Variants in MYO5B observed in about 807,000 individuals in gnomAD.
MYO5B encodes the protein myosin VB.
A neutral mutation model predicts 229.3 loss-of-function variants in MYO5B; 143 were observed. The observed-to-expected ratio is 0.62, with a 90% CI of 0.54 to 0.72. The LOEUF (loss-of-function observed/expected upper bound fraction) is 0.72, where lower values mean the gene tolerates loss of function less well. MYO5B is among the 30% of genes least tolerant of loss of function. The pLI is 0.00. For synonymous variants in MYO5B, 918 were observed against 885.2 expected (o/e 1.04, Z -0.66); for missense variants, 2,321 against 2,331.0 (o/e 1.00, Z 0.09).
intron 22 of MYO5B, among the ~76,000 whole-genome samples, chr18:49,888,403 G>C (rs911907961): frequency 6.6e-6 from 1 of 152,152 alleles, no homozygotes; most frequent in East Asian, 1.9e-4. Context: ...GTCCATGAAG[G>C]CTTCACAAGA....
At chr18:49,974,784 CACACACACACACAG>C (rs1568054728) in intron 9 of MYO5B, among the ~76,000 whole-genome samples, 169 bp from the exon 10 acceptor site, 2 of 88,224 alleles carry the variant, frequency 2.3e-5, no homozygotes, top group East Asian at 4.0e-4. Flanking sequence ...CTCTCTCACA[CACACACACACACAG>C]ACACACACAC....
At chr18:49,889,680 C>T (rs895164699) in intron 22 of MYO5B, among the ~76,000 whole-genome samples, 53 of 152,218 alleles carry the variant, frequency 3.5e-4, no homozygotes, top group Non-Finnish European at 6.8e-4. Context: ...TTTGAGCATC[C>T]TACACACAGT....
rs567232544 is a variant in MYO5B at position 50,174,203 on chromosome 18, C to T, written c.27+20564G>A. On this transcript the variant is annotated intron_variant, in intron 1 of 39. Transcript: ENST00000285039. The stretch of plus-strand genomic sequence containing the variant: ...TCTGTATTAGTGTTCTGCAGACAAA[C>T]AGAATAGGATAAAGATACATAAAAG... 9.2e-5 allele frequency among the ~76,000 whole-genome samples: 14 copies of T among 152,264 alleles called. 1 individual carries two copies. The highest frequency in any genetic ancestry group is 9.2e-4 in the Admixed American group (14 of 15,280).
At chr18:50,135,623 T>C (rs1483578988) in intron 1 of MYO5B, among the ~76,000 whole-genome samples, 2 of 152,172 alleles carry the variant, frequency 1.3e-5, no homozygotes, top group African/African-American at 4.8e-5. Context: ...GAAGATAATA[T>C]GTATTTAAAT....
At chr18:50,138,776 T>C (rs974072711) in intron 1 of MYO5B, among the ~76,000 whole-genome samples, 3 of 152,212 alleles carry the variant, frequency 2.0e-5, no homozygotes, top group African/African-American at 4.8e-5. Flanking sequence ...GAAGAAATAG[T>C]ACCCCATTTC....
intron 4 of MYO5B, among the ~76,000 whole-genome samples, chr18:50,013,398 A>G (rs2144346456): frequency 1.3e-5 from 2 of 152,290 alleles, no homozygotes; most frequent in Admixed American, 1.3e-4. Context: ...AACTGCACCT[A>G]CACCCTGAGA....
At chr18:50,145,384 G>C (rs1306034895) in intron 1 of MYO5B, among the ~76,000 whole-genome samples, 3 of 151,544 alleles carry the variant, frequency 2.0e-5, no homozygotes, top group African/African-American at 7.3e-5. Flanking sequence ...CTACTCGGGA[G>C]GCTGAGGCAG....
chr18:49,841,057 G>A (rs960213990), intron 35 of MYO5B, among the ~76,000 whole-genome samples: 3 of 152,206 alleles, frequency 2.0e-5, no homozygotes, highest in South Asian at 2.1e-4. Flanking sequence ...ATACAGAAAT[G>A]TCAGGTTACA....
chr18:49,875,439 C>T lies in MYO5B; in HGVS notation c.3537+248G>A, dbSNP rs559960563. ...CCCTCTTTGCAAGTAGGTGATGATG[C>T]CACAGACTTCCCCCTAGCTTCACCA... On this transcript the variant is annotated intron_variant, in intron 26 of 39. Transcript: ENST00000285039. Among the ~76,000 whole-genome samples the T allele has an allele frequency of 1.3e-4, 20 of 152,284 alleles. No homozygotes were observed. In the South Asian group the frequency reaches 3.9e-3, roughly 30 times the overall value.
intron 7 of MYO5B, among the ~76,000 whole-genome samples, chr18:49,986,684 A>G (rs534401434): frequency 1.4e-4 from 22 of 152,318 alleles, no homozygotes; most frequent in African/African-American, 4.6e-4. Context: ...AGAGCAATAC[A>G]ACAGTTTCAA....
intron 19 of MYO5B, 64 bp from the exon 20 acceptor site, chr18:49,904,892 C>T (rs2144147934): frequency 6.3e-7 from 1 of 1,581,402 alleles, no homozygotes; most frequent in East Asian, 2.3e-5. Flanking sequence ...ATGCAGAGAA[C>T]CCTGAGACAT....
At chr18:50,071,070 C>G (rs1005720337) in intron 1 of MYO5B, among the ~76,000 whole-genome samples, 1 of 152,190 alleles carries the variant, frequency 6.6e-6, no homozygotes, top group South Asian at 2.1e-4. Flanking sequence ...GCCATCCTCC[C>G]GCCTTGGCCT....
intron 5 of MYO5B, among the ~76,000 whole-genome samples, chr18:50,000,502 G>A (rs553709210): frequency 6.6e-6 from 1 of 152,286 alleles, no homozygotes; most frequent in South Asian, 2.1e-4. Flanking sequence ...GGACTACGAG[G>A]CCATTTCATT....
intron 13 of MYO5B, among the ~76,000 whole-genome samples, chr18:49,953,959 G>A (rs1426035494): frequency 2.0e-5 from 2 of 100,148 alleles, no homozygotes; most frequent in East Asian, 2.6e-4. Context: ...AGACATGTGT[G>A]TGTGTGTATG....
intron 1 of MYO5B, among the ~76,000 whole-genome samples, chr18:50,082,995 C>G (rs114976984): frequency 0.01 from 1,543 of 152,314 alleles, 21 homozygotes; most frequent in African/African-American, 0.035. Context: ...ATACCCACTG[C>G]CAGTGCCAAG....
chr18:50,003,198 C>A (rs2026066808), intron 4 of MYO5B, among the ~76,000 whole-genome samples: 1 of 152,132 alleles, frequency 6.6e-6, no homozygotes, highest in Admixed American at 6.5e-5. Context: ...AAACGGTTAG[C>A]AATGGGGATG....
At position 49,879,832 on chromosome 18, in the gene MYO5B, G is replaced by A. The variant is rs191337137; in HGVS notation, c.3130+539C>T. On this transcript the variant is annotated intron_variant, in intron 23 of 39. Transcript: ENST00000285039. ...TGGGCACTTGAGAGAGGCTGACCTG[G>A]GATCTGATTCAAGACTGTTTCTTCA... Among the ~76,000 whole-genome samples, 594 of 152,302 alleles carry A rather than the reference G, an allele frequency of 3.9e-3. 4 individuals are homozygous for A. Among genetic ancestry groups the A allele is most frequent in the Non-Finnish European group, 3.6e-3 (248 of 68,024 alleles).
chr18:50,030,615 G>A (rs2026376867), intron 4 of MYO5B, among the ~76,000 whole-genome samples: 1 of 151,914 alleles, frequency 6.6e-6, no homozygotes, highest in Non-Finnish European at 1.5e-5. Flanking sequence ...CCGAGCACAG[G>A]CTCTCACCCT....
intron 31 of MYO5B, among the ~76,000 whole-genome samples, chr18:49,853,060 G>A (rs608713): frequency 0.53 from 81,165 of 151,954 alleles, 21,794 homozygotes; most frequent in Middle Eastern, 0.63. Flanking sequence ...TCTCTCTCTC[G>A]CCATATCTGG....
Sources: gnomAD v4.1 joint callset for allele counts (sites outside exome capture counted in the v4.1 genomes callset) on GRCh38, gnomAD v4.1.1 for gene constraint, MANE v1.5 for transcripts, NCBI Gene and HGNC (gene_info 2026-07-23, HGNC 2026-07-21) for gene names.